Variants in SPATA13 observed in about 807,000 individuals in gnomAD.
SPATA13 encodes spermatogenesis associated 13, also known as spermatogenesis-associated protein 13.
Under a neutral mutation model 104.0 loss-of-function variants are expected in SPATA13, and 50 were observed. The observed-to-expected ratio is 0.48, with a 90% CI of 0.38 to 0.61. SPATA13 has a LOEUF of 0.61. Ranked by LOEUF, SPATA13 falls within the 20% of genes least tolerant of loss-of-function variation. The probability of loss-of-function intolerance (pLI) is 0.00; values close to 1 mark genes in which losing one functional copy is unlikely to be tolerated. For missense variants in SPATA13, 1,524 were observed against 1,690.6 expected, an observed-to-expected ratio of 0.90 and a Z score of 1.73; for synonymous variants, 606 against 667.5, an observed-to-expected ratio of 0.91 and a Z score of 1.42.
intron 3 of SPATA13, chr13:24,017,725 C>A: frequency 6.1e-6 from 6 of 982,834 alleles, no homozygotes; most frequent in Non-Finnish European, 6.0e-6. Flanking sequence ...CGAGTCCGTT[C>A]TTCCCTCTCC....
At chr13:24,120,361 T>C (rs1229185396) in intron 3 of SPATA13, among the ~76,000 whole-genome samples, 2 of 152,264 alleles carry the variant, frequency 1.3e-5, no homozygotes. Flanking sequence ...TTTGACACTT[T>C]GGCTGTGTTG....
At chr13:23,984,249 A>G (rs934058264) in intron 2 of SPATA13, among the ~76,000 whole-genome samples, 1 of 152,232 alleles carries the variant, frequency 6.6e-6, no homozygotes, top group Non-Finnish European at 1.5e-5. Flanking sequence ...AGTCAGCTAA[A>G]GAAGAAGGTT....
rs1048589240 is a variant in SPATA13 at position 24,287,012 on chromosome 13, G to C, written c.2667+62G>C. 6 of 1,476,490 alleles carry C rather than the reference G, an allele frequency of 4.1e-6. No homozygotes were observed. In the Admixed American group the frequency reaches 9.0e-5, roughly 22 times the overall value. 91.5% of individuals were successfully genotyped at this position (1,476,490 alleles called of 1,614,324 possible). On this transcript the variant is annotated intron_variant, in intron 7 of 12. Coordinates refer to ENST00000382108, the MANE Select transcript of SPATA13 (RefSeq NM_001166271.3). ...GTATGAGGCTGCATGAGGTGCCTGGGCTTTCTCCCCACCTCCACCCCCCGC... is the reference window on the plus strand; with the variant it reads ...GTATGAGGCTGCATGAGGTGCCTGGCCTTTCTCCCCACCTCCACCCCCCGC...
In SPATA13 at chr13:23,980,697, T is replaced by C. The variant is rs927704488; in HGVS notation, c.-354+773T>C. On this transcript the variant is annotated intron_variant, in intron 1 of 14. Coordinates refer to the SPATA13 transcript ENST00000424834. Reference sequence around the variant, plus strand: ...ACCTCTGCCTCCCGGGTTCAAGCGATTCTCCTGCCTCACCCTCCCGAGTAG... The same window carrying C: ...ACCTCTGCCTCCCGGGTTCAAGCGACTCTCCTGCCTCACCCTCCCGAGTAG... 3.5e-4 allele frequency among the ~76,000 whole-genome samples: 53 copies of C among 152,278 alleles called. 1 individual carries two copies. Among genetic ancestry groups the C allele is most frequent in the Admixed American group, 9.2e-4 (14 of 15,292 alleles).
At chr13:24,279,063 A>C (rs889867225) in intron 4 of SPATA13, among the ~76,000 whole-genome samples, 1 of 150,818 alleles carries the variant, frequency 6.6e-6, no homozygotes, top group African/African-American at 2.4e-5. Context: ...AGCAGACAAG[A>C]ATTACTGCCT....
chr13:24,231,674 G>A (rs1201386159), intron 2 of SPATA13, among the ~76,000 whole-genome samples: 1 of 152,236 alleles, frequency 6.6e-6, no homozygotes, highest in Non-Finnish European at 1.5e-5. Flanking sequence ...TCGAGGAGCT[G>A]CCAAGCTGCT....
At chr13:24,196,046 G>A (rs1870038022) in intron 1 of SPATA13, among the ~76,000 whole-genome samples, 1 of 152,090 alleles carries the variant, frequency 6.6e-6, no homozygotes, top group Non-Finnish European at 1.5e-5. Context: ...GCCTTAATTT[G>A]CATTTGATTT....
intron 1 of SPATA13, among the ~76,000 whole-genome samples, chr13:24,206,841 G>T (rs1188190521): frequency 6.7e-6 from 1 of 149,156 alleles, no homozygotes. Flanking sequence ...GCAGTAAGCT[G>T]AGATTGTGCT....
intron 3 of SPATA13, among the ~76,000 whole-genome samples, chr13:24,126,598 T>C (rs1881226806): frequency 6.6e-6 from 1 of 152,174 alleles, no homozygotes; most frequent in African/African-American, 2.4e-5. Context: ...GTTCTGTCAC[T>C]CAGGCTGGAG....
In SPATA13 at chr13:24,043,169, G is replaced by A. The variant is rs910136648; in HGVS notation, c.-112+25468G>A. On this transcript the variant is annotated intron_variant, in intron 3 of 14. Transcript: ENST00000424834. ...GGGTGGCCTCGGTGTTCTCCGCACC[G>A]CCTCTCTGGCTTGGTGGTTTATCAC... Among the ~76,000 whole-genome samples, 14 of 152,150 alleles carry A rather than the reference G, an allele frequency of 9.2e-5. 1 individual carries two copies. Among genetic ancestry groups the A allele is most frequent in the Admixed American group, 7.9e-4 (12 of 15,280 alleles).
intron 3 of SPATA13, among the ~76,000 whole-genome samples, chr13:24,056,709 A>T (rs564154006): frequency 9.7e-4 from 148 of 152,270 alleles, no homozygotes; most frequent in Non-Finnish European, 1.8e-3. Flanking sequence ...TGAATACATG[A>T]TACATAGAAG....
chr13:24,290,940 C>A, intron 9 of SPATA13, 56 bp downstream of exon 9: 1 of 1,400,122 alleles, frequency 7.1e-7, no homozygotes, highest in Non-Finnish European at 9.9e-7. Flanking sequence ...TACCCGTAGG[C>A]AGCTCTTAAC....
At chr13:24,220,090 A>G (rs901908041) in intron 1 of SPATA13, among the ~76,000 whole-genome samples, 2 of 152,092 alleles carry the variant, frequency 1.3e-5, no homozygotes, top group South Asian at 2.1e-4. Context: ...ATTGCCTTGA[A>G]TTCCTCATGG....
intron 3 of SPATA13, among the ~76,000 whole-genome samples, chr13:24,071,669 A>C (rs1158626994): frequency 6.6e-6 from 1 of 152,178 alleles, no homozygotes; most frequent in Non-Finnish European, 1.5e-5. Flanking sequence ...GCATTGAATC[A>C]CATCAGATTT....
rs374487361 is a variant in SPATA13 at position 24,074,384 on chromosome 13, A to AT, written c.-112+56693dup. Among the ~76,000 whole-genome samples, 384 of 150,468 alleles carry AT rather than the reference A, an allele frequency of 2.6e-3. 8 individuals are homozygous for AT. In the East Asian group the frequency reaches 0.033, roughly 13 times the overall value. On this transcript the variant is annotated intron_variant, in intron 3 of 14. Transcript: ENST00000424834. ...ATATTCTGTTGTATGAATAGACCAC[A>AT]TTTTTTTTTTACCATTCATCCATTG...
chr13:24,278,770 A>T, intron 4 of SPATA13: 2 of 1,601,096 alleles, frequency 1.2e-6, no homozygotes, highest in Non-Finnish European at 1.7e-6. Context: ...ACTCATACTC[A>T]AAAAAGAAAA....
In SPATA13 at chr13:24,190,351, T is replaced by A. The variant is rs61948463; in HGVS notation, c.-112+29419T>A. 5.1e-3 allele frequency among the ~76,000 whole-genome samples: 27 copies of A among 5,318 alleles called. 8 individuals carry two copies. The highest frequency in any genetic ancestry group is 5.2e-3 in the African/African-American group (27 of 5,172). The allele number at this position is 5,318 out of a possible 152,430, so 3.5% of individuals were successfully genotyped here. A position where few individuals can be genotyped will look rare whatever the true frequency, so the allele number is the denominator to read the frequency against. The stretch of plus-strand genomic sequence containing the variant: ...ATATTATTATATATAATATATAATA[T>A]TATATATTATTATATATAATATATA... On this transcript the variant is annotated intron_variant, in intron 1 of 12. Coordinates refer to ENST00000382108, the MANE Select transcript of SPATA13 (RefSeq NM_001166271.3).
chr13:24,083,040 G>A (rs1879593839), intron 3 of SPATA13, among the ~76,000 whole-genome samples: 1 of 152,144 alleles, frequency 6.6e-6, no homozygotes, highest in South Asian at 2.1e-4. Flanking sequence ...CTTCTATGCT[G>A]GACTAGAAAT....
chr13:24,058,782 A>G (rs1428431903), intron 3 of SPATA13, among the ~76,000 whole-genome samples: 2 of 151,824 alleles, frequency 1.3e-5, no homozygotes, highest in East Asian at 3.9e-4. Context: ...TCACTGGTTA[A>G]CCTGTCAGGT....
Sources: allele counts gnomAD v4.1 joint callset (sites outside exome capture counted in the v4.1 genomes callset), GRCh38; gene constraint gnomAD v4.1.1; transcripts MANE v1.5; gene names NCBI Gene and HGNC (gene_info 2026-07-23, HGNC 2026-07-21).